Variants in TENM4 observed in about 807,000 individuals in gnomAD.
TENM4 encodes the protein teneurin transmembrane protein 4, also known as teneurin-4.
Under a neutral mutation model 243.3 loss-of-function variants are expected in TENM4, and 82 were observed. The observed-to-expected ratio is 0.34, with a 90% CI of 0.28 to 0.40. The LOEUF (loss-of-function observed/expected upper bound fraction) is 0.40, where lower values mean the gene tolerates loss of function less well. Ranked by LOEUF, TENM4 falls within the 10% of genes least tolerant of loss-of-function variation. TENM4 has a pLI of 1.00. For missense variants in TENM4, 3,138 were observed against 3,673.3 expected (o/e 0.85, Z 3.77); for synonymous variants, 1,412 against 1,456.3 (o/e 0.97, Z 0.69).
At chr11:78,715,092 T>G (rs1859492304) in intron 25 of TENM4, among the ~76,000 whole-genome samples, 1 of 152,250 alleles carries the variant, frequency 6.6e-6, no homozygotes, top group African/African-American at 2.4e-5. Flanking sequence ...GTGTTTGCAT[T>G]CGCATTATTT....
At chr11:78,865,750 C>T (rs570717294) in intron 9 of TENM4, among the ~76,000 whole-genome samples, 2 of 152,226 alleles carry the variant, frequency 1.3e-5, no homozygotes, top group South Asian at 4.2e-4. Flanking sequence ...GCAACGAGAT[C>T]CGACACTTTG....
intron 4 of TENM4, among the ~76,000 whole-genome samples, chr11:79,124,583 C>T (rs536529715): frequency 6.6e-6 from 1 of 150,610 alleles, no homozygotes; most frequent in South Asian, 2.1e-4. Flanking sequence ...TAATAGACTA[C>T]CCTTATCATA....
chr11:79,187,329 G>A (rs549743283), intron 3 of TENM4, among the ~76,000 whole-genome samples: 25 of 152,268 alleles, frequency 1.6e-4, no homozygotes, highest in African/African-American at 5.8e-4. Context: ...TCAGGAAGAC[G>A]AGGCAACCAC....
At chr11:78,805,189 G>C in intron 15 of TENM4, 103 bp downstream of exon 15, 1 of 582,040 alleles carries the variant, frequency 1.7e-6, no homozygotes, top group East Asian at 3.1e-5. Context: ...CAGAGGCACG[G>C]GGAATGCATT....
chr11:78,733,714 T>C (rs1442066681), intron 20 of TENM4, among the ~76,000 whole-genome samples: 1 of 152,202 alleles, frequency 6.6e-6, no homozygotes, highest in Non-Finnish European at 1.5e-5. Flanking sequence ...CAGCCCCACA[T>C]GGAACCTGAT....
chr11:78,952,787 A>T (rs1168217788), intron 6 of TENM4, among the ~76,000 whole-genome samples: 1 of 152,148 alleles, frequency 6.6e-6, no homozygotes, highest in Admixed American at 6.5e-5. Context: ...CCTTTATCCT[A>T]GCAAACTCCC....
intron 1 of TENM4, among the ~76,000 whole-genome samples, chr11:79,302,095 A>G (rs137943030): frequency 1.2e-3 from 182 of 152,344 alleles, no homozygotes; most frequent in African/African-American, 4.2e-3. Context: ...CTAGGCACTC[A>G]ATAAATACTT....
At chr11:79,432,831 G>T (rs1329059389) in intron 1 of TENM4, among the ~76,000 whole-genome samples, 1 of 152,152 alleles carries the variant, frequency 6.6e-6, no homozygotes, top group Non-Finnish European at 1.5e-5. Flanking sequence ...TGCCATTCTA[G>T]GAGAAACAAG....
intron 20 of TENM4, 77 bp downstream of exon 20, chr11:78,738,374 T>A (rs2135901628): frequency 6.6e-7 from 1 of 1,522,900 alleles, no homozygotes; most frequent in South Asian, 1.3e-5. Context: ...TTCCACATTA[T>A]CAGTCCAGCA....
At chr11:78,862,619 A>T (rs2852408) in intron 10 of TENM4, among the ~76,000 whole-genome samples, 88,933 of 151,956 alleles carry the variant, frequency 0.59, 29,121 homozygotes, top group African/African-American at 0.87. Flanking sequence ...CAGATGCCCA[A>T]CTGTCCCATG....
chr11:79,188,036 T>C (rs185705119), intron 3 of TENM4, among the ~76,000 whole-genome samples: 2 of 152,374 alleles, frequency 1.3e-5, no homozygotes, highest in African/African-American at 4.8e-5. Flanking sequence ...AAACTCACTG[T>C]TGTTTAGCTT....
chr11:78,831,461 C>T (rs751947208), intron 12 of TENM4, among the ~76,000 whole-genome samples: 7 of 152,152 alleles, frequency 4.6e-5, no homozygotes, highest in African/African-American at 7.2e-5. Context: ...TAAGTGCTTG[C>T]GGTAATAAAT....
intron 1 of TENM4, chr11:79,402,131 C>A: frequency 2.8e-6 from 1 of 352,062 alleles, no homozygotes. Flanking sequence ...CACAGCAGTC[C>A]CTCGCCAACC....
Position 79,198,305 on chromosome 11 carries a change from A to G in TENM4, c.-163+17503T>C, listed in dbSNP as rs556707645. On this transcript the variant is annotated intron_variant, in intron 3 of 33. Coordinates refer to ENST00000278550, the MANE Select transcript of TENM4 (RefSeq NM_001098816.3). ...CTGATGGCCTGGTCTCCCAAATACA[A>G]TCTATGAGGACCAGGCCACATAAAC... Among the ~76,000 whole-genome samples, 6 of 152,192 alleles carry G rather than the reference A, an allele frequency of 3.9e-5. No homozygotes were observed. The South Asian group carries it at 1.2e-3, about 32-fold the overall frequency.
intron 2 of TENM4, among the ~76,000 whole-genome samples, chr11:79,262,755 T>C (rs184169920): frequency 8.5e-5 from 13 of 152,360 alleles, no homozygotes; most frequent in African/African-American, 3.1e-4. Context: ...GCTGGCTGTG[T>C]GATCCTAGAC....
Position 79,132,278 on chromosome 11 carries a change from G to A in TENM4, c.-66+16432C>T, listed in dbSNP as rs182986367. Reference sequence around the variant, plus strand: ...GGAGAATAGCGTGAACCTGGGAGGCGGAGCTTGCAGTGAGCTGAGATAGCG... The same window carrying A: ...GGAGAATAGCGTGAACCTGGGAGGCAGAGCTTGCAGTGAGCTGAGATAGCG... On this transcript the variant is annotated intron_variant, in intron 4 of 33. Transcript: ENST00000278550. Among the ~76,000 whole-genome samples, 512 of 145,072 alleles carry A rather than the reference G, an allele frequency of 3.5e-3. 4 individuals are homozygous for A. Among genetic ancestry groups the A allele is most frequent in the African/African-American group, 0.012 (477 of 39,320 alleles).
intron 6 of TENM4, among the ~76,000 whole-genome samples, chr11:78,952,320 T>G (rs1857124132): frequency 6.6e-6 from 1 of 152,104 alleles, no homozygotes; most frequent in South Asian, 2.1e-4. Context: ...ATGAAAGTAA[T>G]AAACTCGAGG....
rs1856214996 is a variant in TENM4 at position 78,752,588 on chromosome 11, C to T, written c.2756+4217G>A. On this transcript the variant is annotated intron_variant, in intron 19 of 33. Transcript: ENST00000278550. Reference sequence around the variant, plus strand: ...TGAAATCTCAAACTACAAATTGTGGCACAGCACATGGGGTGCAGGAGAATA... The same window carrying T: ...TGAAATCTCAAACTACAAATTGTGGTACAGCACATGGGGTGCAGGAGAATA... 2.0e-5 allele frequency among the ~76,000 whole-genome samples: 3 copies of T among 152,196 alleles called. No homozygotes were observed. In the South Asian group the frequency reaches 6.2e-4, roughly 32 times the overall value.
rs569458322 is a variant in TENM4, at chr11:79,438,629, T to C, written c.-321+1880A>G. 1.6e-4 allele frequency among the ~76,000 whole-genome samples: 25 copies of C among 152,158 alleles called. No individual in the cohort carries two copies. In the South Asian group the frequency reaches 5.2e-3, roughly 32 times the overall value. ...TCTAAACACGTGAAGGGCACAGGGC[T>C]TGAAAGACAAGGAGGGGCGCCCAGG... On this transcript the variant is annotated intron_variant, in intron 1 of 33. Coordinates refer to ENST00000278550, the MANE Select transcript of TENM4 (RefSeq NM_001098816.3). The surrounding 1 kb of genome is among the most constrained non-coding windows in gnomAD (Gnocchi z 4.1).
Sources: gnomAD v4.1 joint callset for allele counts (sites outside exome capture counted in the v4.1 genomes callset) on GRCh38, gnomAD v4.1.1 for gene constraint, Gnocchi (gnomAD v3.1) non-coding constraint, MANE v1.5 for transcripts, NCBI Gene and HGNC (gene_info 2026-07-23, HGNC 2026-07-21) for gene names.